PPFIA2: variants seen among roughly 807,000 people sequenced by gnomAD.
PPFIA2 encodes the protein PPFI scaffold protein A2, also known as liprin-alpha-2.
A neutral mutation model predicts 175.5 loss-of-function variants in PPFIA2; 46 were observed. The ratio of observed to expected loss-of-function variants is 0.26; its 90% confidence interval spans 0.21 to 0.34. The LOEUF is 0.34. Ranked by LOEUF, PPFIA2 falls within the 10% of genes least tolerant of loss-of-function variation. PPFIA2 has a pLI of 1.00. For synonymous variants in PPFIA2, 568 were observed against 511.4 expected (o/e 1.11, Z -1.49); for missense variants, 1,179 against 1,506.1 (o/e 0.78, Z 3.60).
At chr12:81,347,911 C>T in intron 17 of PPFIA2, 141 bp from the exon 18 acceptor site, 2 of 1,171,908 alleles carry the variant, frequency 1.7e-6, no homozygotes, top group Non-Finnish European at 2.2e-6. Flanking sequence ...ATTTTTTCAT[C>T]TTTTTTTTTT....
chr12:81,496,961 A>G (rs2060089655), intron 4 of PPFIA2, among the ~76,000 whole-genome samples: 2 of 152,208 alleles, frequency 1.3e-5, no homozygotes, highest in Admixed American at 1.3e-4. Flanking sequence ...GAGAGGCTCT[A>G]AAATGGCTTT....
At chr12:81,376,037 T>C in intron 9 of PPFIA2, 95 bp from the exon 10 acceptor site, 2 of 1,176,052 alleles carry the variant, frequency 1.7e-6, no homozygotes, top group East Asian at 2.4e-5. Context: ...TAAAAACTAT[T>C]GCATTCTTGA....
intron 3 of PPFIA2, among the ~76,000 whole-genome samples, chr12:81,691,981 T>C (rs1163062996): frequency 1.3e-5 from 2 of 152,068 alleles, no homozygotes; most frequent in African/African-American, 4.8e-5. Context: ...TGTAGATGTT[T>C]AGGCCTAGTA....
intron 4 of PPFIA2, among the ~76,000 whole-genome samples, chr12:81,513,925 T>G (rs746213101): frequency 9.2e-5 from 14 of 151,996 alleles, no homozygotes; most frequent in Admixed American, 2.0e-4. Flanking sequence ...TTCCTCTCAG[T>G]GCCAGAATTA....
intron 11 of PPFIA2, among the ~76,000 whole-genome samples, chr12:81,373,346 A>G (rs1349732873): frequency 2.0e-5 from 3 of 151,986 alleles, no homozygotes; most frequent in Non-Finnish European, 4.4e-5. Flanking sequence ...AATTATGCAT[A>G]TCTTAGTCTA....
intron 4 of PPFIA2, among the ~76,000 whole-genome samples, chr12:81,615,599 C>T (rs2061361351): frequency 6.6e-6 from 1 of 151,996 alleles, no homozygotes; most frequent in South Asian, 2.1e-4. Flanking sequence ...AGTAATTAAC[C>T]TGAATATTTC....
chr12:81,734,268 T>C (rs560135358), intron 3 of PPFIA2, among the ~76,000 whole-genome samples: 1 of 151,906 alleles, frequency 6.6e-6, no homozygotes, highest in East Asian at 1.9e-4. Context: ...ACTGTGTTTG[T>C]AGTTTGGGAA....
At chr12:81,367,071 A>T (rs1376838459) in intron 14 of PPFIA2, 37 bp downstream of exon 14, 1 of 1,450,520 alleles carries the variant, frequency 6.9e-7, no homozygotes, top group Non-Finnish European at 9.1e-7. Flanking sequence ...GAAAATAAAA[A>T]TAGAAAATGG....
chr12:81,581,148 C>CT (rs5799542), intron 4 of PPFIA2, among the ~76,000 whole-genome samples: 101,016 of 139,566 alleles, frequency 0.72, 36,337 homozygotes, highest in East Asian at 0.82. Flanking sequence ...GTCATAGACA[C>CT]TTTTTTTTTT....
chr12:81,626,954 T>A (rs565092375), intron 4 of PPFIA2, among the ~76,000 whole-genome samples: 1 of 152,224 alleles, frequency 6.6e-6, no homozygotes, highest in East Asian at 1.9e-4. Context: ...ACTATTTTAA[T>A]CCATAAAGGA....
chr12:81,558,733 G>C (rs1222450661), intron 4 of PPFIA2, among the ~76,000 whole-genome samples: 1 of 152,114 alleles, frequency 6.6e-6, no homozygotes, highest in African/African-American at 2.4e-5. Context: ...TCCTGTAATG[G>C]CAGGTGTGGG....
intron 14 of PPFIA2, among the ~76,000 whole-genome samples, chr12:81,365,254 T>C (rs1424824317): frequency 6.6e-6 from 1 of 151,758 alleles, no homozygotes; most frequent in African/African-American, 2.4e-5. Flanking sequence ...TAATGGACTG[T>C]GAGTACAGTT....
intron 9 of PPFIA2, among the ~76,000 whole-genome samples, chr12:81,381,000 GTGTA>G (rs968610359): frequency 2.0e-5 from 2 of 98,866 alleles, no homozygotes; most frequent in African/African-American, 3.7e-5. Flanking sequence ...GTGTGTGTGT[GTGTA>G]TACAAAAAAA....
intron 7 of PPFIA2, among the ~76,000 whole-genome samples, chr12:81,428,712 A>G (rs2047576273): frequency 6.6e-6 from 1 of 152,066 alleles, no homozygotes; most frequent in South Asian, 2.1e-4. Context: ...AAAAAAATCC[A>G]TTGTTCAACC....
intron 18 of PPFIA2, among the ~76,000 whole-genome samples, chr12:81,345,710 T>C (rs1037159499): frequency 5.9e-5 from 9 of 152,192 alleles, no homozygotes; most frequent in Non-Finnish European, 1.2e-4. Flanking sequence ...TCCAGGATTC[T>C]TACTATAGGT....
chr12:81,338,604 C>A (rs199991060), intron 21 of PPFIA2, among the ~76,000 whole-genome samples: 2 of 150,704 alleles, frequency 1.3e-5, no homozygotes, highest in Non-Finnish European at 1.5e-5. Context: ...TAGTTTTAAG[C>A]AAAAAAAAAT....
intron 7 of PPFIA2, among the ~76,000 whole-genome samples, chr12:81,420,465 T>A (rs2046044504): frequency 6.6e-6 from 1 of 151,458 alleles, no homozygotes; most frequent in Non-Finnish European, 1.5e-5. Context: ...AAATAAAAGT[T>A]CAATAAAGAG....
intron 4 of PPFIA2, among the ~76,000 whole-genome samples, chr12:81,509,441 A>G (rs2061535230): frequency 6.6e-6 from 1 of 152,192 alleles, no homozygotes; most frequent in African/African-American, 2.4e-5. Flanking sequence ...AGCCCAAGTG[A>G]ACAAGCTTTT....
intron 4 of PPFIA2, among the ~76,000 whole-genome samples, chr12:81,543,249 A>G (rs1482033434): frequency 6.6e-6 from 1 of 152,118 alleles, no homozygotes; most frequent in African/African-American, 2.4e-5. Context: ...CAAGCCTGGA[A>G]CATTTTGTAG....
Sources: allele counts gnomAD v4.1 joint callset (sites outside exome capture counted in the v4.1 genomes callset), GRCh38; gene constraint gnomAD v4.1.1; transcripts MANE v1.5; gene names NCBI Gene and HGNC (gene_info 2026-07-23, HGNC 2026-07-21).